The following HBG1 variants were observed in gnomAD, a reference collection of about 807,000 sequenced individuals.
HBG1 encodes the protein hemoglobin subunit gamma 1, also known as hemoglobin subunit gamma-1.
Under a neutral mutation model 5.9 loss-of-function variants are expected in HBG1, and 1 was observed. The ratio of observed to expected loss-of-function variants is 0.17; its 90% CI spans 0.06 to 0.81. The LOEUF (loss-of-function observed/expected upper bound fraction) is 0.81, where lower values mean the gene tolerates loss of function less well. Ranked by LOEUF, HBG1 falls within the 30% of genes least tolerant of loss-of-function variation. HBG1 has a pLI of 0.73. For missense variants in HBG1, 57 were observed against 122.0 expected, an observed-to-expected ratio of 0.47 and a Z score of 2.51; for synonymous variants, 19 against 50.5, an observed-to-expected ratio of 0.38 and a Z score of 2.64.
rs1847920378 is a variant in HBG1, at chr11:5,249,288, G to A, written c.315+80C>T. On this transcript the variant is annotated intron_variant, in intron 2 of 2. Coordinates refer to ENST00000330597, the MANE Select transcript of HBG1 (RefSeq NM_000559.3). The stretch of plus-strand genomic sequence containing the variant: ...AGTATCTTCAAACAGCTCACACCCT[G>A]CTGTGCTCAGATCAATACTCCGTTG... The A allele has an allele frequency of 9.9e-6, 8 of 811,116 alleles. 2 individuals are homozygous for A. The South Asian group carries it at 1.3e-4, about 13-fold the overall frequency. 50.2% of individuals were successfully genotyped at this position (811,116 alleles called of 1,614,324 possible). A position where few individuals can be genotyped will look rare whatever the true frequency, so the allele number is the denominator to read the frequency against.
rs1847900560 is a variant in HBG1, at chr11:5,248,285, A to T, written c.*74T>A. 1 of 1,582,946 alleles carries T rather than the reference A, an allele frequency of 6.3e-7. No homozygotes were observed. The highest frequency in any genetic ancestry group is 8.7e-7 in the Non-Finnish European group (1 of 1,153,670). ...AGAAAATCATGTGTGATCTCTCAGCAGAATAGATTTATTATTTGTATTGCT... is the reference window on the plus strand; with the variant it reads ...AGAAAATCATGTGTGATCTCTCAGCTGAATAGATTTATTATTTGTATTGCT... On this transcript the variant is annotated 3_prime_UTR_variant, in exon 3 of 3. Transcript: ENST00000330597.
At chr11:5,249,013 C>T (rs1847915600) in intron 2 of HBG1, among the ~76,000 whole-genome samples, 1 of 142,516 alleles carries the variant, frequency 7.0e-6, no homozygotes, top group South Asian at 2.3e-4. Flanking sequence ...ATGCCTTCTG[C>T]CTGCATCTTT....
In HBG1 at chr11:5,249,105, G is replaced by A. The variant is rs2855041; in HGVS notation, c.315+263C>T. Among the ~76,000 whole-genome samples, 9 of 67,726 alleles carry A rather than the reference G, an allele frequency of 1.3e-4. 2 individuals carry two copies. The highest frequency in any genetic ancestry group is 2.1e-3 in the East Asian group (2 of 962). 44.4% of individuals were successfully genotyped at this position (67,726 alleles called of 152,430 possible). ...GGAAAGATGAAAGTTCTTTCTACTG[G>A]AATCTAATAAAGAAAAGTCATTTTC... On this transcript the variant is annotated intron_variant, in intron 2 of 2. Coordinates refer to ENST00000330597, the MANE Select transcript of HBG1 (RefSeq NM_000559.3).
chr11:5,248,778 G>GCA (rs1331662419), intron 2 of HBG1, among the ~76,000 whole-genome samples: 12 of 86,688 alleles, frequency 1.4e-4, no homozygotes, highest in African/African-American at 3.9e-4. Context: ...ACACGCGCGC[G>GCA]CGCACACACA....
chr11:5,248,330 T>G lies in HBG1; in HGVS notation c.*29A>C. ...ATTGCTTGCAGAATAAAGCCTATCC[T>G]TGAAAGCTCTGAATCATGGGCAGTG... On this transcript the variant is annotated 3_prime_UTR_variant, in exon 3 of 3. Transcript: ENST00000330597. The G allele has an allele frequency of 6.2e-7, 1 of 1,613,220 alleles. No individual in the cohort carries two copies. Among genetic ancestry groups the G allele is most frequent in the Non-Finnish European group, 8.5e-7 (1 of 1,179,174 alleles).
At chr11:5,249,036 CT>C (rs1467953876) in intron 2 of HBG1, among the ~76,000 whole-genome samples, 11 of 138,392 alleles carry the variant, frequency 7.9e-5, no homozygotes, top group Admixed American at 7.8e-4. Context: ...AACGACCATA[CT>C]TGTCCTGCCT....
rs764683175 is a variant in HBG1, at chr11:5,248,317, A to G, written c.*42T>C. 14 of 1,611,076 alleles carry G rather than the reference A, an allele frequency of 8.7e-6. No homozygotes were observed. Among genetic ancestry groups the G allele is most frequent in the South Asian group, 4.4e-5 (4 of 90,982 alleles). On this transcript the variant is annotated 3_prime_UTR_variant, in exon 3 of 3. Coordinates refer to ENST00000330597, the MANE Select transcript of HBG1 (RefSeq NM_000559.3). ...ATTTATTATTTGTATTGCTTGCAGAATAAAGCCTATCCTTGAAAGCTCTGA... is the reference window on the plus strand; with the variant it reads ...ATTTATTATTTGTATTGCTTGCAGAGTAAAGCCTATCCTTGAAAGCTCTGA...
rs1847904693 is a variant in HBG1 at position 5,248,397 on chromosome 11, T to C, written c.406A>G (p.Thr136Ala). The part of the protein sequence containing the change: ...EVQASWQKMV[T>A]AVASALSSRY... ...GAGGACAGGGCACTGGCCACTGCAG[T>C]CACCATCTTCTGCCAGGAAGCCTGC... Residue 136 changes from threonine (T) to alanine (A), a missense_variant, in exon 3 of 3, where the codon ACT becomes GCT. Physicochemically the swap from Thr to Ala is moderately conservative, Grantham distance 58. This residue lies in a region of HBG1 where 43 missense variants were observed against 44.9 expected (regional missense o/e 0.96). Transcript: ENST00000330597. 6.2e-7 allele frequency: 1 copy of C among 1,614,008 alleles called. No homozygotes were observed. Among genetic ancestry groups the C allele is most frequent in the Admixed American group, 1.7e-5 (1 of 60,002 alleles).
Position 5,248,435 on chromosome 11 carries a change from A to T in HBG1, c.368T>A (p.Phe123Tyr), listed in dbSNP as rs925412045. Residue 123 changes from phenylalanine (F) to tyrosine (Y), a missense_variant, in exon 3 of 3, where the codon TTC becomes TAC. Around this residue, in one of 2 missense-constraint regions of HBG1, gnomAD observed 43 missense variants for 44.9 expected, o/e 0.96. Coordinates refer to ENST00000330597, the MANE Select transcript of HBG1 (RefSeq NM_000559.3). Reference sequence around the variant, plus strand: ...CCAGGAAGCCTGCACCTCAGGGGTGAATTCTTTGCCGAAATGGATTGCCAA... The same window carrying T: ...CCAGGAAGCCTGCACCTCAGGGGTGTATTCTTTGCCGAAATGGATTGCCAA... ...TVLAIHFGKEFTPEVQASWQK... is the reference protein window; with the variant it reads ...TVLAIHFGKEYTPEVQASWQK... The T allele has an allele frequency of 6.2e-7, 1 of 1,613,860 alleles. No individual in the cohort carries two copies. The highest frequency in any genetic ancestry group is 1.3e-5 in the African/African-American group (1 of 74,830).
At chr11:5,249,264 G>A in intron 2 of HBG1, 104 bp downstream of exon 2, 2 of 832,848 alleles carry the variant, frequency 2.4e-6, no homozygotes, top group Non-Finnish European at 3.9e-6. Context: ...CCCAACCCCA[G>A]TATCTTCAAA....
rs34049890 is a variant in HBG1, at chr11:5,249,466, C to G, written c.217G>C (p.Gly73Arg). The G allele has an allele frequency of 3.4e-6, 3 of 881,136 alleles. No individual in the cohort carries two copies. In the East Asian group the frequency reaches 8.8e-5, roughly 26 times the overall value. 54.6% of individuals were successfully genotyped at this position (881,136 alleles called of 1,614,324 possible). A position where few individuals can be genotyped will look rare whatever the true frequency, so the allele number is the denominator to read the frequency against. The change falls in exon 2 of 3, where the codon GGA (glycine) becomes CGA (arginine). Residue 73 changes from glycine (G) to arginine (R), a missense_variant. Physicochemically the swap from Gly to Arg is moderately radical, Grantham distance 125 (BLOSUM62 -2). Transcript: ENST00000330597. Reference protein sequence around the residue: ...AHGKKVLTSLGDATKHLDDLK... With the variant: ...AHGKKVLTSLRDATKHLDDLK... ...TCATCCAGGTGCTTTGTGGCATCTCCCAAGGAAGTCAGCACCTTCTTGCCA... is the reference window on the plus strand; with the variant it reads ...TCATCCAGGTGCTTTGTGGCATCTCGCAAGGAAGTCAGCACCTTCTTGCCA...
chr11:5,248,624 C>T (rs1340500868), intron 2 of HBG1, 137 bp from the exon 3 acceptor site: 4 of 1,164,816 alleles, frequency 3.4e-6, no homozygotes, highest in African/African-American at 1.7e-5. Context: ...TGAGATTTTG[C>T]CTTCCCATTA....
At chr11:5,248,521 C>G in intron 2 of HBG1, 34 bp from the exon 3 acceptor site, 1 of 1,595,202 alleles carries the variant, frequency 6.3e-7, no homozygotes, top group Non-Finnish European at 8.6e-7. Flanking sequence ...AAAGATGAAC[C>G]CATAGTGAGC....
rs879095052 is a variant in HBG1 at position 5,248,281 on chromosome 11, C to T, written c.*78G>A. ...CTGAAGAAAATCATGTGTGATCTCT[C>T]AGCAGAATAGATTTATTATTTGTAT... On this transcript the variant is annotated 3_prime_UTR_variant, in exon 3 of 3. Coordinates refer to ENST00000330597, the MANE Select transcript of HBG1 (RefSeq NM_000559.3). 7.5e-5 allele frequency: 118 copies of T among 1,572,264 alleles called. No homozygotes were observed. In the African/African-American group the frequency reaches 7.8e-4, roughly 10 times the overall value.
intron 2 of HBG1, among the ~76,000 whole-genome samples, chr11:5,248,755 G>GACAC (rs757934785): frequency 0.018 from 2,353 of 129,796 alleles, 57 homozygotes; most frequent in African/African-American, 0.07. Context: ...AACACACGCT[G>GACAC]ACACACACAC....
chr11:5,249,702 C>A lies in HBG1; in HGVS notation c.92+11G>T. The A allele has an allele frequency of 2.7e-6, 1 of 374,740 alleles. No homozygotes were observed. Among genetic ancestry groups the A allele is most frequent in the Non-Finnish European group, 4.5e-6 (1 of 220,010 alleles). The allele number at this position is 374,740 out of a possible 1,614,324, so 23.2% of individuals were successfully genotyped here. ...TTCCTTCCCTCCCTTGTCCTGGTCA[C>A]CAGAGCCTACCTTCCCAGGGTTTCT... On this transcript the variant is annotated intron_variant, in intron 1 of 2. Transcript: ENST00000330597.
chr11:5,249,666 G>A, intron 1 of HBG1, 47 bp downstream of exon 1: 1 of 436,412 alleles, frequency 2.3e-6, no homozygotes, highest in Non-Finnish European at 3.8e-6. Context: ...CTTTTGCCAG[G>A]CACAGGGTCC....
In HBG1 at chr11:5,249,408, A is replaced by C. The variant is rs1464732955; in HGVS notation, c.275T>G (p.Leu92Arg). 9.1e-7 allele frequency: 1 copy of C among 1,100,618 alleles called. No individual in the cohort carries two copies. Among genetic ancestry groups the C allele is most frequent in the South Asian group, 1.4e-5 (1 of 72,836 alleles). 68.2% of individuals were successfully genotyped at this position (1,100,618 alleles called of 1,614,324 possible). Reference sequence around the variant, plus strand: ...ATCCACATGCAGCTTGTCACAGTGCAGTTCACTCAGCTGGGCAAAGGTGCC... The same window carrying C: ...ATCCACATGCAGCTTGTCACAGTGCCGTTCACTCAGCTGGGCAAAGGTGCC... ...LKGTFAQLSE[L>R]HCDKLHVDPE... is the part of the protein sequence containing the mutation. The change falls in exon 2 of 3, where the codon CTG (leucine) becomes CGG (arginine). Residue 92 changes from leucine (L) to arginine (R), a missense_variant. Coordinates refer to ENST00000330597, the MANE Select transcript of HBG1 (RefSeq NM_000559.3).
intron 2 of HBG1, among the ~76,000 whole-genome samples, chr11:5,248,780 G>GCACACACACACACACACA (rs1292097599): frequency 1.8e-5 from 2 of 112,982 alleles, no homozygotes; most frequent in African/African-American, 7.2e-5. Flanking sequence ...ACGCGCGCGC[G>GCACACACACACACACACA]CACACACACA....
Sources: allele counts gnomAD v4.1 joint callset (sites outside exome capture counted in the v4.1 genomes callset), GRCh38; gene constraint gnomAD v4.1.1; regional missense constraint gnomAD v4.1.1; transcripts MANE v1.5; gene names NCBI Gene and HGNC (gene_info 2026-07-23, HGNC 2026-07-21).